Variants in LNP1 observed in about 807,000 individuals in gnomAD.
LNP1 encodes the protein leukemia NUP98 fusion partner 1.
Under a neutral mutation model 14.5 loss-of-function variants are expected in LNP1, and 12 were observed. That is an observed-to-expected ratio of 0.83 (90% CI 0.53 to 1.34). The LOEUF (loss-of-function observed/expected upper bound fraction) is 1.34. LNP1 is among the 40% of genes most tolerant of loss of function. The pLI is 0.00. For synonymous variants in LNP1, 75 were observed against 71.4 expected (o/e 1.05, Z -0.26); for missense variants, 198 against 210.9 (o/e 0.94, Z 0.38).
chr3:100,419,125 G>A (rs1486112550), intron 1 of LNP1, among the ~76,000 whole-genome samples: 1 of 152,128 alleles, frequency 6.6e-6, no homozygotes, highest in Admixed American at 6.5e-5. Context: ...TCGTAGAGCT[G>A]TCCATAGGTT....
intron 1 of LNP1, among the ~76,000 whole-genome samples, chr3:100,428,591 A>T (rs552646032): frequency 6.6e-6 from 1 of 152,220 alleles, no homozygotes; most frequent in Admixed American, 6.5e-5. Context: ...TCCATACTTG[A>T]TGCAAAGTAG....
intron 1 of LNP1, among the ~76,000 whole-genome samples, chr3:100,404,208 G>A (rs1413789657): frequency 6.6e-6 from 1 of 152,096 alleles, no homozygotes; most frequent in African/African-American, 2.4e-5. Flanking sequence ...TTGTGGGTGG[G>A]GGAGGTTGGC....
chr3:100,424,635 C>T (rs1707174929), intron 1 of LNP1, among the ~76,000 whole-genome samples: 1 of 152,192 alleles, frequency 6.6e-6, no homozygotes, highest in Non-Finnish European at 1.5e-5. Flanking sequence ...GCATAAACCA[C>T]ATTAGTCGGG....
At chr3:100,445,875 A>G (rs1707382935) in intron 2 of LNP1, among the ~76,000 whole-genome samples, 1 of 152,220 alleles carries the variant, frequency 6.6e-6, no homozygotes, top group African/African-American at 2.4e-5. Flanking sequence ...TAAAATACCT[A>G]GGAATCCAAC....
chr3:100,444,880 T>C (rs908949169), intron 2 of LNP1, among the ~76,000 whole-genome samples: 1 of 152,228 alleles, frequency 6.6e-6, no homozygotes, highest in Non-Finnish European at 1.5e-5. Context: ...TAACCTTTAT[T>C]AAGGCGTCAG....
intron 1 of LNP1, among the ~76,000 whole-genome samples, chr3:100,419,145 A>G (rs1332419748): frequency 6.6e-6 from 1 of 152,178 alleles, no homozygotes. Flanking sequence ...TTTTTCTGCT[A>G]CAGTTGCTCT....
chr3:100,414,550 A>G (rs1707063239), intron 1 of LNP1, among the ~76,000 whole-genome samples: 1 of 152,080 alleles, frequency 6.6e-6, no homozygotes, highest in African/African-American at 2.4e-5. Context: ...CAGTCTTAAA[A>G]AAAAAAAAAA....
rs1411021934 is a variant in LNP1 at position 100,429,677 on chromosome 3, T to G, written c.-33-20T>G. 5.9e-6 allele frequency: 9 copies of G among 1,530,274 alleles called. No homozygotes were observed. The highest frequency in any genetic ancestry group is 8.1e-6 in the Non-Finnish European group (9 of 1,115,944). 94.8% of individuals were successfully genotyped at this position (1,530,274 alleles called of 1,614,324 possible). Reference sequence around the variant, plus strand: ...TCATTGTCAGCCCTGTTGGGTGATATTTCCCTCTGTCGCATTTAGGGACAG... The same window carrying G: ...TCATTGTCAGCCCTGTTGGGTGATAGTTCCCTCTGTCGCATTTAGGGACAG... On this transcript the variant is annotated intron_variant, in intron 1 of 3. Coordinates refer to ENST00000383693, the MANE Select transcript of LNP1 (RefSeq NM_001085451.2).
chr3:100,416,613 G>A (rs1031286790), intron 1 of LNP1, among the ~76,000 whole-genome samples: 1 of 149,478 alleles, frequency 6.7e-6, no homozygotes, highest in African/African-American at 2.5e-5. Context: ...GTGTGTGTGT[G>A]TGTGTGTGTG....
At chr3:100,406,999 C>T (rs1706975181) in intron 1 of LNP1, among the ~76,000 whole-genome samples, 1 of 152,148 alleles carries the variant, frequency 6.6e-6, no homozygotes, top group South Asian at 2.1e-4. Context: ...TTCAATTTCA[C>T]AATTTAAGTA....
At chr3:100,452,506 C>T (rs2148908949) in intron 3 of LNP1, among the ~76,000 whole-genome samples, 1 of 152,146 alleles carries the variant, frequency 6.6e-6, no homozygotes, top group Non-Finnish European at 1.5e-5. Flanking sequence ...CACACCCAGC[C>T]CCCTAGTTTC....
At chr3:100,417,214 C>A (rs748832018) in intron 1 of LNP1, among the ~76,000 whole-genome samples, 1 of 151,906 alleles carries the variant, frequency 6.6e-6, no homozygotes, top group Non-Finnish European at 1.5e-5. Flanking sequence ...CTGTCTATTA[C>A]CTCCCTCTCC....
intron 1 of LNP1, among the ~76,000 whole-genome samples, chr3:100,420,223 C>A (rs1338579255): frequency 6.6e-6 from 1 of 152,172 alleles, no homozygotes; most frequent in South Asian, 2.1e-4. Flanking sequence ...GCCATAGACA[C>A]CATTTGTATA....
intron 2 of LNP1, among the ~76,000 whole-genome samples, chr3:100,436,407 G>T (rs534697674): frequency 6.6e-6 from 1 of 152,082 alleles, no homozygotes; most frequent in Non-Finnish European, 1.5e-5. Context: ...TGAAGAGGGG[G>T]TCTGTTCAGT....
chr3:100,429,378 C>T (rs923974923), intron 1 of LNP1, among the ~76,000 whole-genome samples: 7 of 152,148 alleles, frequency 4.6e-5, no homozygotes, highest in African/African-American at 1.7e-4. Context: ...ATGTCATTGG[C>T]AGCAAAGCAC....
chr3:100,438,942 A>G (rs895948086), intron 2 of LNP1, among the ~76,000 whole-genome samples: 2 of 152,344 alleles, frequency 1.3e-5, no homozygotes, highest in Middle Eastern at 3.4e-3. Flanking sequence ...TTAGAAGGGC[A>G]TATAAAATTC....
At chr3:100,434,538 T>TA (rs1291325667) in intron 2 of LNP1, among the ~76,000 whole-genome samples, 1 of 151,158 alleles carries the variant, frequency 6.6e-6, no homozygotes, top group East Asian at 1.9e-4. Context: ...TTCTTTTTTC[T>TA]TTTTTTTTGA....
chr3:100,429,725 T>C lies in LNP1; in HGVS notation c.-5T>C, dbSNP rs907034550. 10 of 1,613,496 alleles carry C rather than the reference T, an allele frequency of 6.2e-6. No homozygotes were observed. Among genetic ancestry groups the C allele is most frequent in the Non-Finnish European group, 7.6e-6 (9 of 1,179,698 alleles). On this transcript the variant is annotated 5_prime_UTR_variant, in exon 2 of 4. Coordinates refer to ENST00000383693, the MANE Select transcript of LNP1 (RefSeq NM_001085451.2). The stretch of plus-strand genomic sequence containing the variant: ...CAGGCCTTCAGTATTTGGCATCACC[T>C]TTACATGGAGCACAAAGATGATGAT...
In LNP1 at chr3:100,441,631, AATATAT is replaced by A. The variant is rs59950841; in HGVS notation, c.157-10073_157-10068del. ...TTGCTTTTGATACGCATTAGCTTTA[AATATAT>A]ATATATATATATATGTAAATTTTAT... On this transcript the variant is annotated intron_variant, in intron 2 of 3. Transcript: ENST00000383693. Among the ~76,000 whole-genome samples, 1,154 of 148,224 alleles carry A rather than the reference AATATAT, an allele frequency of 7.8e-3. 9 individuals carry two copies. Among genetic ancestry groups the A allele is most frequent in the Non-Finnish European group, 0.01 (688 of 67,066 alleles).
Sources: allele counts gnomAD v4.1 joint callset (sites outside exome capture counted in the v4.1 genomes callset), GRCh38; gene constraint gnomAD v4.1.1; transcripts MANE v1.5; gene names NCBI Gene and HGNC (gene_info 2026-07-23, HGNC 2026-07-21).